ARHGAP15: variants seen among roughly 807,000 people sequenced by gnomAD.
ARHGAP15 encodes the protein rho GTPase-activating protein 15.
A neutral mutation model predicts 63.7 loss-of-function variants in ARHGAP15; 51 were observed. The observed-to-expected ratio is 0.80, with a 90% CI of 0.64 to 1.01. The LOEUF is 1.01. ARHGAP15 is among the 50% of genes least tolerant of loss of function. The pLI is 0.00. For missense variants in ARHGAP15, 560 were observed against 564.6 expected, an observed-to-expected ratio of 0.99 and a Z score of 0.08; for synonymous variants, 191 against 193.8, an observed-to-expected ratio of 0.99 and a Z score of 0.12.
intron 12 of ARHGAP15, among the ~76,000 whole-genome samples, chr2:143,664,788 C>A (rs1343159966): frequency 6.6e-6 from 1 of 152,206 alleles, no homozygotes; most frequent in African/African-American, 2.4e-5. Flanking sequence ...ACTACAAACA[C>A]CTCTACTCAA....
At chr2:143,348,383 G>A (rs1217655259) in intron 6 of ARHGAP15, among the ~76,000 whole-genome samples, 1 of 151,908 alleles carries the variant, frequency 6.6e-6, no homozygotes, top group Non-Finnish European at 1.5e-5. Flanking sequence ...TTTCGAAAGT[G>A]CCTTTGTCAT....
intron 11 of ARHGAP15, among the ~76,000 whole-genome samples, chr2:143,621,757 G>A (rs1320294983): frequency 6.6e-6 from 1 of 152,064 alleles, no homozygotes; most frequent in East Asian, 1.9e-4. Flanking sequence ...ATTTTCTTTA[G>A]ATATCACTAT....
intron 12 of ARHGAP15, among the ~76,000 whole-genome samples, chr2:143,696,240 T>A (rs1162184400): frequency 1.3e-5 from 2 of 152,000 alleles, no homozygotes; most frequent in African/African-American, 4.8e-5. Flanking sequence ...TAAACATCTA[T>A]TATGACACCT....
rs114974561 is a variant in ARHGAP15, at chr2:143,737,283, G to A, written c.1245-30706G>A. Among the ~76,000 whole-genome samples, 707 of 152,296 alleles carry A rather than the reference G, an allele frequency of 4.6e-3. 4 individuals are homozygous for A. Among genetic ancestry groups the A allele is most frequent in the African/African-American group, 0.016 (685 of 41,568 alleles). On this transcript the variant is annotated intron_variant, in intron 13 of 13. Coordinates refer to ENST00000295095, the MANE Select transcript of ARHGAP15 (RefSeq NM_018460.4). ...CTCTTCATTTACATGAATGCTCCTG[G>A]TTCTTAAAACTTTGTCTCACATTTG...
chr2:143,477,472 A>T (rs1322751589), intron 8 of ARHGAP15, among the ~76,000 whole-genome samples: 1 of 152,120 alleles, frequency 6.6e-6, no homozygotes, highest in Non-Finnish European at 1.5e-5. Flanking sequence ...TGTTAACTAC[A>T]TATGTATTAT....
chr2:143,485,060 A>T (rs932604374), intron 8 of ARHGAP15, among the ~76,000 whole-genome samples: 16 of 151,946 alleles, frequency 1.1e-4, no homozygotes, highest in African/African-American at 2.4e-5. Flanking sequence ...TATAGTACCC[A>T]TTTTTTAAAG....
chr2:143,638,685 AT>A (rs1193735550), intron 12 of ARHGAP15, among the ~76,000 whole-genome samples: 1 of 103,622 alleles, frequency 9.7e-6, no homozygotes, highest in Non-Finnish European at 1.8e-5. Flanking sequence ...AAAAAAAAAT[AT>A]TAAAAAAAAA....
chr2:143,716,763 G>A (rs1204706871), intron 13 of ARHGAP15, among the ~76,000 whole-genome samples: 1 of 152,242 alleles, frequency 6.6e-6, no homozygotes, highest in Non-Finnish European at 1.5e-5. Context: ...CAGGGAAGAA[G>A]GAATGGTAAA....
intron 3 of ARHGAP15, among the ~76,000 whole-genome samples, chr2:143,213,042 A>G (rs1651305790): frequency 6.6e-6 from 1 of 152,174 alleles, no homozygotes; most frequent in African/African-American, 2.4e-5. Context: ...CCCCCAGAAA[A>G]GGAGCAGGAA....
chr2:143,247,085 A>G (rs1030312113), intron 5 of ARHGAP15, among the ~76,000 whole-genome samples: 12 of 152,166 alleles, frequency 7.9e-5, no homozygotes, highest in African/African-American at 4.8e-5. Flanking sequence ...GTTTCAAGCT[A>G]GGGAATCCAG....
At chr2:143,309,531 ATG>A (rs1683338620) in intron 6 of ARHGAP15, among the ~76,000 whole-genome samples, 1 of 152,078 alleles carries the variant, frequency 6.6e-6, no homozygotes, top group Non-Finnish European at 1.5e-5. Context: ...CTCCACAAAT[ATG>A]TTTTAAGAAT....
intron 13 of ARHGAP15, among the ~76,000 whole-genome samples, chr2:143,757,720 T>G (rs1458762460): frequency 2.6e-5 from 4 of 151,990 alleles, no homozygotes; most frequent in Non-Finnish European, 4.4e-5. Flanking sequence ...TACCATCAAA[T>G]TTCACACAAC....
chr2:143,656,934 GGTGTGTGT>G lies in ARHGAP15; in HGVS notation c.1138+32700_1138+32707del, dbSNP rs5834961. Among the ~76,000 whole-genome samples, 859 of 144,968 alleles carry G rather than the reference GGTGTGTGT, an allele frequency of 5.9e-3. 14 individuals carry two copies. The highest frequency in any genetic ancestry group is 0.036 in the East Asian group (170 of 4,786). ...ACAAGGTTTCTAAGACAAAGTTTCT[GGTGTGTGT>G]GTGTGTGTGTGTGTGTGTGTGTGTG... On this transcript the variant is annotated intron_variant, in intron 12 of 13. Coordinates refer to ENST00000295095, the MANE Select transcript of ARHGAP15 (RefSeq NM_018460.4).
chr2:143,646,568 G>A (rs1574765479), intron 12 of ARHGAP15, among the ~76,000 whole-genome samples: 2 of 151,936 alleles, frequency 1.3e-5, no homozygotes, highest in East Asian at 3.9e-4. Context: ...AACGGTTTGT[G>A]TTTCCCAAGA....
At chr2:143,484,926 T>TAC (rs140498190) in intron 8 of ARHGAP15, among the ~76,000 whole-genome samples, 2,676 of 152,262 alleles carry the variant, frequency 0.018, 39 homozygotes, top group African/African-American at 0.041. Flanking sequence ...CATACTTGTA[T>TAC]AACACACTGG....
chr2:143,338,696 C>A (rs1249566244), intron 6 of ARHGAP15, among the ~76,000 whole-genome samples: 1 of 152,018 alleles, frequency 6.6e-6, no homozygotes. Context: ...ATCAACCAAA[C>A]CAAAACTTCA....
rs949319683 is a variant in ARHGAP15, at chr2:143,290,665, G to GT, written c.474+40072dup. Reference sequence around the variant, plus strand: ...GCCCATGCACTTTCAAGTTGCAACCGTTTTTTTGACATACTCAGATAGTGT... The same window carrying GT: ...GCCCATGCACTTTCAAGTTGCAACCGTTTTTTTTGACATACTCAGATAGTGT... On this transcript the variant is annotated intron_variant, in intron 6 of 13. Coordinates refer to ENST00000295095, the MANE Select transcript of ARHGAP15 (RefSeq NM_018460.4). Among the ~76,000 whole-genome samples, 20 of 152,104 alleles carry GT rather than the reference G, an allele frequency of 1.3e-4. No individual in the cohort carries two copies. The South Asian group carries it at 1.7e-3, about 13-fold the overall frequency.
At chr2:143,744,652 C>T (rs1392937552) in intron 13 of ARHGAP15, among the ~76,000 whole-genome samples, 1 of 152,162 alleles carries the variant, frequency 6.6e-6, no homozygotes, top group Middle Eastern at 3.2e-3. Context: ...ATTCAGCATC[C>T]TTGTACATCT....
At chr2:143,544,878 G>A (rs947400596) in intron 10 of ARHGAP15, among the ~76,000 whole-genome samples, 3 of 152,064 alleles carry the variant, frequency 2.0e-5, no homozygotes, top group African/African-American at 7.2e-5. Context: ...TATCCACTAC[G>A]CAGTTTCTCC....
Sources: allele counts gnomAD v4.1 joint callset (sites outside exome capture counted in the v4.1 genomes callset), GRCh38; gene constraint gnomAD v4.1.1; transcripts MANE v1.5; gene names NCBI Gene and HGNC (gene_info 2026-07-23, HGNC 2026-07-21).